ZNF385A: variants seen among roughly 807,000 people sequenced by gnomAD.
ZNF385A encodes hematopoietic zinc finger protein.
Under a neutral mutation model 32.1 loss-of-function variants are expected in ZNF385A, and 14 were observed. The observed-to-expected ratio is 0.44, with a 90% CI of 0.29 to 0.68. The LOEUF is 0.68. Among genes scored for constraint, ZNF385A ranks in the 30% least tolerant of loss-of-function variants. ZNF385A has a pLI of 0.14. For synonymous variants in ZNF385A, 197 were observed against 202.7 expected, an observed-to-expected ratio of 0.97 and a Z score of 0.24; for missense variants, 406 against 478.4, an observed-to-expected ratio of 0.85 and a Z score of 1.41.
At chr12:54,375,281 G>C (rs980664982) in intron 2 of ZNF385A, among the ~76,000 whole-genome samples, 1 of 152,188 alleles carries the variant, frequency 6.6e-6, no homozygotes, top group African/African-American at 2.4e-5. Context: ...TGGGTTTTGG[G>C]TTTGGGGTAG....
exon 1 of ZNF385A, chr12:54,391,252 AC>A: frequency 8.0e-7 from 1 of 1,249,218 alleles, no homozygotes; most frequent in Non-Finnish European, 1.0e-6. Context: ...CATGCTGGGG[AC>A]CCAGGCGCCC....
chr12:54,389,633 G>A (rs1001528341), upstream of ZNF385A, among the ~76,000 whole-genome samples: 2 of 152,166 alleles, frequency 1.3e-5, no homozygotes, highest in Non-Finnish European at 2.9e-5. Flanking sequence ...GGGAAAGCAC[G>A]GCTTATGCCA....
At position 54,371,702 on chromosome 12, in the gene ZNF385A, A is replaced by G. The variant is rs116062585; in HGVS notation, c.375T>C (p.Asn125=). 3.0e-3 allele frequency: 4,900 copies of G among 1,611,446 alleles called. 129 individuals are homozygous for G. In the African/African-American group the frequency reaches 0.059, roughly 19 times the overall value. ...GVAPRPVSME[N]GLGPAPGSPE... is the part of the protein sequence containing the mutation. ...GGGATCCTGGGGCTGGCCCCAGTCCATTCTCCATGGAAACTGTTGTTGGGG... is the reference window on the plus strand; with the variant it reads ...GGGATCCTGGGGCTGGCCCCAGTCCGTTCTCCATGGAAACTGTTGTTGGGG... Residue 125 remains asparagine, a synonymous_variant, in exon 4 of 7, where the codon AAT becomes AAC. Coordinates refer to ENST00000394313, the MANE Select transcript of ZNF385A (RefSeq NM_015481.3).
chr12:54,388,915 A>T (rs1955565897), upstream of ZNF385A, among the ~76,000 whole-genome samples: 2 of 152,172 alleles, frequency 1.3e-5, no homozygotes, highest in Non-Finnish European at 2.9e-5. Flanking sequence ...AAGGCTTTGA[A>T]GTCAAAGATG....
At chr12:54,388,982 C>T (rs1196100323), upstream of ZNF385A, among the ~76,000 whole-genome samples, 1 of 152,110 alleles carries the variant, frequency 6.6e-6, no homozygotes, top group Admixed American at 6.5e-5. Flanking sequence ...CCTAATAACC[C>T]CAGGGTGGAT....
chr12:54,388,087 C>A (rs1477637225), upstream of ZNF385A, among the ~76,000 whole-genome samples: 5 of 132,106 alleles, frequency 3.8e-5, no homozygotes, highest in Admixed American at 1.4e-4. Context: ...GTGTGTGGCA[C>A]CCATGTCAGG....
chr12:54,385,697 C>T, upstream of ZNF385A: 1 of 985,152 alleles, frequency 1.0e-6, no homozygotes, highest in Non-Finnish European at 1.2e-6. Context: ...GCCTGCTGCC[C>T]CCAGGCAGTG....
At chr12:54,371,810 G>C in intron 3 of ZNF385A, 95 bp from the exon 4 acceptor site, 1 of 1,549,320 alleles carries the variant, frequency 6.5e-7, no homozygotes, top group African/African-American at 1.4e-5. Flanking sequence ...TGGAGGGCAA[G>C]GGACCAGGAG....
chr12:54,376,750 CA>C (rs2137218932), intron 1 of ZNF385A, among the ~76,000 whole-genome samples: 1 of 152,286 alleles, frequency 6.6e-6, no homozygotes, highest in South Asian at 2.1e-4. Flanking sequence ...AGTCTCCTGC[CA>C]AGAGTTCACA....
chr12:54,370,752 G>C lies in ZNF385A; in HGVS notation c.775-31C>G. On this transcript the variant is annotated intron_variant, in intron 5 of 6. Coordinates refer to ENST00000394313, the MANE Select transcript of ZNF385A (RefSeq NM_015481.3). The surrounding 1 kb of genome is among the most constrained non-coding windows in gnomAD (Gnocchi z 5.5). ...GGGGCCAGTGGATAGGGGGCTGTGA[G>C]CTCCCGGAAAGGGGCAACAGCGAGG... The C allele has an allele frequency of 6.3e-7, 1 of 1,576,910 alleles. No homozygotes were observed.
At chr12:54,373,120 G>A (rs1369659178) in intron 3 of ZNF385A, 3 of 128,920 alleles carry the variant, frequency 2.3e-5, no homozygotes, top group South Asian at 3.3e-4. Flanking sequence ...ATCCCTGAGG[G>A]GGTTCTGTGT....
Position 54,370,187 on chromosome 12 carries a change from G to C in ZNF385A, c.*69C>G. ...TAGGGAGTGCCGGGAGGAGGGGCGG[G>C]CTGGGAGCCCGGACGCCTGGGTCCC... On this transcript the variant is annotated 3_prime_UTR_variant, in exon 7 of 7. Coordinates refer to ENST00000394313, the MANE Select transcript of ZNF385A (RefSeq NM_015481.3). This position sits in a 1 kb window ranked among gnomAD's most constrained non-coding sequence, Gnocchi z 5.5. 8.0e-7 allele frequency: 1 copy of C among 1,245,302 alleles called. No individual in the cohort carries two copies. Among genetic ancestry groups the C allele is most frequent in the Non-Finnish European group, 1.1e-6 (1 of 932,374 alleles). 77.1% of individuals were successfully genotyped at this position (1,245,302 alleles called of 1,614,324 possible).
intron 1 of ZNF385A, among the ~76,000 whole-genome samples, chr12:54,380,659 C>T (rs900207432): frequency 6.6e-6 from 1 of 152,204 alleles, no homozygotes; most frequent in African/African-American, 2.4e-5. Flanking sequence ...CTTCCTGTTC[C>T]CACTGCCTAA....
At position 54,376,235 on chromosome 12, in the gene ZNF385A, C is replaced by G. The variant is rs149814119; in HGVS notation, c.88-281G>C. ...GTTAATAGCAGATCTGGTATCTGAACCTGGATTCCTGCCTTGGTCCATCAT... is the reference window on the plus strand; with the variant it reads ...GTTAATAGCAGATCTGGTATCTGAAGCTGGATTCCTGCCTTGGTCCATCAT... On this transcript the variant is annotated intron_variant, in intron 1 of 6. Coordinates refer to ENST00000394313, the MANE Select transcript of ZNF385A (RefSeq NM_015481.3). Among the ~76,000 whole-genome samples the G allele has an allele frequency of 3.4e-3, 512 of 152,272 alleles. 3 individuals carry two copies. Among genetic ancestry groups the G allele is most frequent in the African/African-American group, 0.011 (461 of 41,554 alleles).
chr12:54,374,737 G>A (rs1954749683), intron 2 of ZNF385A, among the ~76,000 whole-genome samples: 1 of 152,136 alleles, frequency 6.6e-6, no homozygotes, highest in East Asian at 1.9e-4. Flanking sequence ...ACCATTTGAT[G>A]GGGGAGGGGA....
At chr12:54,384,840 A>T (rs1447897708), upstream of ZNF385A, 1 of 1,179,856 alleles carries the variant, frequency 8.5e-7, no homozygotes, top group African/African-American at 1.6e-5. Context: ...CACATTACAG[A>T]CCCAGTAAGA....
chr12:54,384,623 C>A lies in ZNF385A; in HGVS notation c.-109G>T. On this transcript the variant is annotated 5_prime_UTR_variant, in exon 1 of 7. Transcript: ENST00000394313. The stretch of plus-strand genomic sequence containing the variant: ...AAGATTAAAGCTTGGGAACCCCACC[C>A]AAGCCTGCCAGTCCCACTCCCTAGC... 1 of 1,423,586 alleles carries A rather than the reference C, an allele frequency of 7.0e-7. No homozygotes were observed. The allele number at this position is 1,423,586 out of a possible 1,614,324, so 88.2% of individuals were successfully genotyped here. A position where few individuals can be genotyped will look rare whatever the true frequency, so the allele number is the denominator to read the frequency against.
At chr12:54,371,148 C>A (rs951502761) in intron 4 of ZNF385A, 52 bp from the exon 5 acceptor site, 2 of 1,526,234 alleles carry the variant, frequency 1.3e-6, no homozygotes. Context: ...ATTATCCAGG[C>A]CTACTGGGCC....
At chr12:54,379,303 CTGAAG>C in intron 1 of ZNF385A, 2 of 601,498 alleles carry the variant, frequency 3.3e-6, no homozygotes, top group Non-Finnish European at 4.2e-6. Context: ...GGACAGGGAG[CTGAAG>C]AGGAATGAAA....
Sources: allele counts gnomAD v4.1 joint callset (sites outside exome capture counted in the v4.1 genomes callset), GRCh38; gene constraint gnomAD v4.1.1; non-coding constraint Gnocchi (gnomAD v3.1); transcripts MANE v1.5; gene names NCBI Gene and HGNC (gene_info 2026-07-23, HGNC 2026-07-21).